The following ROBO2 variants were observed in gnomAD, a reference collection of about 807,000 sequenced individuals.
The protein encoded by ROBO2 is roundabout guidance receptor 2, also known as roundabout homolog 2.
A neutral mutation model predicts 160.8 loss-of-function variants in ROBO2; 53 were observed. The observed-to-expected ratio is 0.33, with a 90% confidence interval of 0.26 to 0.41. The LOEUF (loss-of-function observed/expected upper bound fraction) is 0.41. Ranked by LOEUF, ROBO2 falls within the 10% of genes least tolerant of loss-of-function variation. ROBO2 has a pLI of 1.00. For missense variants in ROBO2, 1,577 were observed against 1,722.4 expected (o/e 0.92, Z 1.49); for synonymous variants, 664 against 611.7 (o/e 1.09, Z -1.26).
chr3:76,730,954 GCTTCTCCTCACCTCCTACTCCCTACCC>G (rs1353902246), intron 2 of ROBO2, among the ~76,000 whole-genome samples: 8 of 26,044 alleles, frequency 3.1e-4, no homozygotes, highest in Non-Finnish European at 4.1e-4. Flanking sequence ...CTCCCTACCC[GCTTCTCCTCACCTCCTACTCCCTACCC>G]GCTTGTCCTC....
intron 2 of ROBO2, among the ~76,000 whole-genome samples, chr3:77,030,724 C>G (rs2063267676): frequency 6.6e-6 from 1 of 152,156 alleles, no homozygotes; most frequent in African/African-American, 2.4e-5. Flanking sequence ...CTTCATGTAG[C>G]TTATGTATCT....
At position 76,057,515 on chromosome 3, in the gene ROBO2, G is replaced by C. The variant is rs2067889975; in HGVS notation, c.109+119913G>C. On this transcript the variant is annotated intron_variant, in intron 2 of 26. Coordinates refer to the ROBO2 transcript ENST00000487694. ...AAGTCAGTTTTGGGTCACAAAAAGG[G>C]GTTGTGCTGCACACTTCTGCATTCG... is the stretch of plus-strand genomic sequence containing the variant. Among the ~76,000 whole-genome samples the C allele has an allele frequency of 2.0e-5, 3 of 152,062 alleles. No homozygotes were observed. The South Asian group carries it at 6.2e-4, about 32-fold the overall frequency.
At chr3:76,835,069 T>A (rs1559577419) in intron 2 of ROBO2, among the ~76,000 whole-genome samples, 1 of 152,044 alleles carries the variant, frequency 6.6e-6, no homozygotes, top group Non-Finnish European at 1.5e-5. Context: ...AATGCAAACT[T>A]TTTAGGATAA....
chr3:77,647,169 G>A lies in ROBO2; in HGVS notation c.*1114G>A, dbSNP rs11127602. 4,017 of 152,450 alleles carry A rather than the reference G, an allele frequency of 0.026. 138 individuals carry two copies. Among genetic ancestry groups the A allele is most frequent in the East Asian group, 0.19 (989 of 5,164 alleles). The allele number at this position is 152,450 out of a possible 1,614,324, so 9.4% of individuals were successfully genotyped here. A position where few individuals can be genotyped will look rare whatever the true frequency, so the allele number is the denominator to read the frequency against. ...ATTTCATCTTTCTAATACATGTACA[G>A]TGCACACTAGAGGATAGAGCTGCAT... On this transcript the variant is annotated 3_prime_UTR_variant, in exon 26 of 26. Coordinates refer to ENST00000461745, the Ensembl canonical transcript of ROBO2.
At chr3:76,991,589 A>T (rs907788498) in intron 2 of ROBO2, among the ~76,000 whole-genome samples, 3 of 152,174 alleles carry the variant, frequency 2.0e-5, no homozygotes, top group Non-Finnish European at 2.9e-5. Flanking sequence ...AGTTTTGAGG[A>T]CTTTCATTAC....
chr3:76,433,957 A>G (rs923457970), intron 2 of ROBO2: 1 of 744,222 alleles, frequency 1.3e-6, no homozygotes, highest in Non-Finnish European at 2.4e-6. Context: ...CTACTCCAAT[A>G]CAATCTAGAA....
intron 2 of ROBO2, among the ~76,000 whole-genome samples, chr3:77,292,166 A>T (rs1363317016): frequency 2.0e-5 from 3 of 151,602 alleles, no homozygotes; most frequent in Non-Finnish European, 2.9e-5. Context: ...GGGTAAGCTG[A>T]GGCTAGATCA....
intron 2 of ROBO2, among the ~76,000 whole-genome samples, chr3:76,891,392 A>G (rs543928871): frequency 4.6e-5 from 7 of 152,324 alleles, no homozygotes; most frequent in African/African-American, 1.7e-4. Flanking sequence ...ATAAAAATCT[A>G]TGCAAAACCA....
intron 2 of ROBO2, among the ~76,000 whole-genome samples, chr3:76,068,707 G>A (rs923422529): frequency 5.3e-5 from 8 of 152,018 alleles, no homozygotes; most frequent in African/African-American, 1.9e-4. Context: ...AAAACTCCAT[G>A]CATCCATTGT....
chr3:76,197,345 TG>T (rs1702309284), intron 2 of ROBO2, among the ~76,000 whole-genome samples: 1 of 148,924 alleles, frequency 6.7e-6, no homozygotes. Context: ...TCTATAGATT[TG>T]GATCTGGGCC....
At chr3:76,655,659 AG>A (rs750341438) in intron 2 of ROBO2, among the ~76,000 whole-genome samples, 146 of 145,676 alleles carry the variant, frequency 1.0e-3, no homozygotes, top group South Asian at 1.8e-3. Context: ...AAGAGAAAGA[AG>A]AAAAAAAAGA....
chr3:77,296,269 T>C (rs930022086), intron 2 of ROBO2, among the ~76,000 whole-genome samples: 6 of 151,122 alleles, frequency 4.0e-5, no homozygotes, highest in African/African-American at 1.2e-4. Flanking sequence ...GTTAAACGGG[T>C]AAGCTGAGGC....
chr3:76,505,208 A>G (rs1407444682), intron 2 of ROBO2, among the ~76,000 whole-genome samples: 1 of 152,202 alleles, frequency 6.6e-6, no homozygotes, highest in Non-Finnish European at 1.5e-5. Flanking sequence ...ATCAATTAAT[A>G]AAAGGAGTAC....
intron 2 of ROBO2, among the ~76,000 whole-genome samples, chr3:77,402,834 T>C (rs1298862875): frequency 1.3e-5 from 2 of 152,064 alleles, no homozygotes; most frequent in African/African-American, 4.8e-5. Flanking sequence ...AACCACGCAC[T>C]TGATCTCCCA....
intron 20 of ROBO2, 107 bp downstream of exon 21, chr3:77,602,598 C>A: frequency 7.5e-7 from 1 of 1,334,354 alleles, no homozygotes; most frequent in Non-Finnish European, 1.1e-6. Flanking sequence ...AGGTTTACTA[C>A]CTAAACTAAA....
chr3:77,442,009 G>C (rs2079968923), intron 2 of ROBO2, among the ~76,000 whole-genome samples: 1 of 152,066 alleles, frequency 6.6e-6, no homozygotes, highest in Non-Finnish European at 1.5e-5. Context: ...TAGTTAAAAT[G>C]GAACAATAAT....
chr3:76,713,449 T>C (rs2093332607), intron 2 of ROBO2, among the ~76,000 whole-genome samples: 1 of 152,190 alleles, frequency 6.6e-6, no homozygotes, highest in African/African-American at 2.4e-5. Flanking sequence ...CCCCCACTGA[T>C]GAATTTTCTA....
chr3:77,567,334 T>G (rs1033116099), intron 12 of ROBO2, among the ~76,000 whole-genome samples: 1 of 152,068 alleles, frequency 6.6e-6, no homozygotes, highest in Non-Finnish European at 1.5e-5. Context: ...TCAACAACAT[T>G]GTGTGCCAGC....
intron 2 of ROBO2, among the ~76,000 whole-genome samples, chr3:76,536,863 G>T (rs1439262609): frequency 1.3e-5 from 2 of 152,112 alleles, no homozygotes; most frequent in African/African-American, 4.8e-5. Flanking sequence ...ACTGATTTGG[G>T]AAAGGTCTGA....
Sources: allele counts gnomAD v4.1 joint callset (sites outside exome capture counted in the v4.1 genomes callset), GRCh38; gene constraint gnomAD v4.1.1; transcripts MANE v1.5; gene names NCBI Gene and HGNC (gene_info 2026-07-23, HGNC 2026-07-21).